Variants in APOL4 observed in about 807,000 individuals in gnomAD.
APOL4 encodes apolipoprotein L4.
In APOL4, 14 loss-of-function variants were observed where a neutral mutation model predicts 12.1. That is an observed-to-expected ratio of 1.16 (90% CI 0.76 to 1.81). The LOEUF (loss-of-function observed/expected upper bound fraction) is 1.81. APOL4 is among the 40% of genes most tolerant of loss of function. The pLI is 0.00. For synonymous variants in APOL4, 171 were observed against 160.6 expected, an observed-to-expected ratio of 1.06 and a Z score of -0.49; for missense variants, 432 against 423.1, an observed-to-expected ratio of 1.02 and a Z score of -0.18.
At chr22:36,193,965 A>G (rs2014333344) in intron 3 of APOL4, among the ~76,000 whole-genome samples, 2 of 152,360 alleles carry the variant, frequency 1.3e-5, no homozygotes, top group East Asian at 3.9e-4. Context: ...CTTCATGTGT[A>G]TACAGGTCAA....
intron 1 of APOL4, 89 bp downstream of exon 1, chr22:36,201,611 A>C (rs132730): frequency 2.1e-6 from 2 of 968,328 alleles, no homozygotes; most frequent in Non-Finnish European, 2.8e-6. Context: ...GGCCAAGGCA[A>C]CCATCTCAAC....
At chr22:36,192,435 T>C (rs2014286022) in intron 3 of APOL4, among the ~76,000 whole-genome samples, 1 of 152,222 alleles carries the variant, frequency 6.6e-6, no homozygotes, top group African/African-American at 2.4e-5. Context: ...AAAAAATAAG[T>C]TAAAGTCATC....
At chr22:36,200,609 T>TAA (rs2146948308) in intron 1 of APOL4, among the ~76,000 whole-genome samples, 1 of 152,336 alleles carries the variant, frequency 6.6e-6, no homozygotes, top group East Asian at 1.9e-4. Flanking sequence ...AAGAACACCC[T>TAA]CCTTCACGTA....
chr22:36,195,528 G>C (rs2014379445), intron 2 of APOL4, 91 bp from the exon 3 acceptor site: 7 of 1,441,582 alleles, frequency 4.9e-6, no homozygotes, highest in Admixed American at 2.0e-5. Flanking sequence ...TAATCCTCCT[G>C]AACCAGCTGT....
intron 2 of APOL4, among the ~76,000 whole-genome samples, chr22:36,196,327 A>G (rs2014412462): frequency 6.6e-6 from 1 of 152,224 alleles, no homozygotes; most frequent in South Asian, 2.1e-4. Context: ...AAATATACCT[A>G]TAGACCCTTA....
chr22:36,195,608 T>C (rs997490006), intron 2 of APOL4, among the ~76,000 whole-genome samples, 171 bp from the exon 3 acceptor site: 1 of 152,140 alleles, frequency 6.6e-6, no homozygotes, highest in African/African-American at 2.4e-5. Context: ...ATTCAAATAC[T>C]GAGGCTCTAA....
At chr22:36,197,324 C>A in intron 2 of APOL4, 1 of 251,298 alleles carries the variant, frequency 4.0e-6, no homozygotes, top group South Asian at 7.0e-5. Context: ...GGGGAGGAAG[C>A]CCTCCTGAGG....
chr22:36,189,896 C>T lies in APOL4; in HGVS notation c.*1179G>A, dbSNP rs1186409562. On this transcript the variant is annotated 3_prime_UTR_variant, in exon 4 of 4. Transcript: ENST00000683024. The stretch of plus-strand genomic sequence containing the variant: ...TAACACTGAGTTCCATAAACTTTAC[C>T]TCGCCCTCTTTATTCCCCTAAAAAA... 1 of 164,224 alleles carries T rather than the reference C, an allele frequency of 6.1e-6. No individual in the cohort carries two copies. Among genetic ancestry groups the T allele is most frequent in the East Asian group, 1.6e-4 (1 of 6,368 alleles). 10.2% of individuals were successfully genotyped at this position (164,224 alleles called of 1,614,324 possible).
chr22:36,199,405 T>C (rs1287492432), intron 1 of APOL4, 29 bp from the exon 2 acceptor site: 1 of 1,614,024 alleles, frequency 6.2e-7, no homozygotes, highest in East Asian at 2.2e-5. Context: ...AATTGTGGGA[T>C]TGAATGTGAG....
Position 36,199,167 on chromosome 22 carries a change from G to A in APOL4, c.82+163C>T, listed in dbSNP as rs1206497370. On this transcript the variant is annotated intron_variant, in intron 2 of 3. Coordinates refer to ENST00000683024, the MANE Select transcript of APOL4 (RefSeq NM_001386885.1). ...AACCCTGGGTCAGGGGACTCCACGT[G>A]GCCTCTCTTGGGGCTTGGGGCAGCC... Among the ~76,000 whole-genome samples, 3 of 152,196 alleles carry A rather than the reference G, an allele frequency of 2.0e-5. No individual in the cohort carries two copies. The East Asian group carries it at 5.8e-4, about 29-fold the overall frequency.
At position 36,201,704 on chromosome 22, in the gene APOL4, C is replaced by A; in HGVS notation, c.31G>T (p.Val11Phe). Reference sequence around the variant, plus strand: ...GAGCTGGGGCCTCGGACTCACCCGACGCTTGTGATGAGCTGCACCCAGGAT... The same window carrying A: ...GAGCTGGGGCCTCGGACTCACCCGAAGCTTGTGATGAGCTGCACCCAGGAT... MGSWVQLITSVGVQQNHPGWT... is the reference protein window; with the variant it reads MGSWVQLITSFGVQQNHPGWT... The change falls in exon 1 of 4, where the codon GTC (valine) becomes TTC (phenylalanine). Residue 11 changes from valine (V) to phenylalanine (F), a missense_variant. Transcript: ENST00000683024. The A allele has an allele frequency of 6.2e-7, 1 of 1,607,492 alleles. No homozygotes were observed. The highest frequency in any genetic ancestry group is 8.5e-7 in the Non-Finnish European group (1 of 1,177,420).
At chr22:36,197,482 T>C in intron 2 of APOL4, 1 of 1,046,400 alleles carries the variant, frequency 9.6e-7, no homozygotes, top group Non-Finnish European at 1.3e-6. Flanking sequence ...GTTTTATTGA[T>C]GGGGTGGGGA....
chr22:36,199,324 G>T lies in APOL4; in HGVS notation c.82+6C>A, dbSNP rs780908861. Reference sequence around the variant, plus strand: ...CTACCAGCAGCCAGGTCTCTGAAAGGCTTACCTTGGAACTGTCCAGCCACT... The same window carrying T: ...CTACCAGCAGCCAGGTCTCTGAAAGTCTTACCTTGGAACTGTCCAGCCACT... On this transcript the variant is annotated splice_donor_region_variant and intron_variant, in intron 2 of 3. Coordinates refer to ENST00000683024, the MANE Select transcript of APOL4 (RefSeq NM_001386885.1). 4.3e-6 allele frequency: 7 copies of T among 1,613,992 alleles called. No individual in the cohort carries two copies. The African/African-American group carries it at 9.3e-5, about 22-fold the overall frequency.
chr22:36,197,833 T>G, intron 2 of APOL4: 1 of 1,545,902 alleles, frequency 6.5e-7, no homozygotes, highest in African/African-American at 1.4e-5. Context: ...CAGAGGACCC[T>G]GACAAACAGG....
chr22:36,191,247 G>T lies in APOL4; in HGVS notation c.875C>A (p.Ala292Asp). ...CAGCACAACAAGGACACCTGAAGTG[G>T]CCTTGCCCAGGTTCCGGGCTACTTT... ...VRKVARNLGK[A>D]TSGVLVVLDV... Residue 292 changes from alanine (A) to aspartate (D), a missense_variant, in exon 4 of 4, where the codon GCC becomes GAC. Coordinates refer to ENST00000683024, the MANE Select transcript of APOL4 (RefSeq NM_001386885.1). 6.2e-7 allele frequency: 1 copy of T among 1,614,042 alleles called. No individual in the cohort carries two copies.
At chr22:36,198,096 C>A (rs924297394) in intron 2 of APOL4, among the ~76,000 whole-genome samples, 1 of 152,208 alleles carries the variant, frequency 6.6e-6, no homozygotes, top group Non-Finnish European at 1.5e-5. Context: ...CTGGGCCCGA[C>A]TGGCTCTTCT....
upstream of APOL4, among the ~76,000 whole-genome samples, chr22:36,204,434 G>A (rs972182235): frequency 6.6e-6 from 1 of 152,176 alleles, no homozygotes; most frequent in African/African-American, 2.4e-5. Context: ...TACGGTTTAA[G>A]GGCCCAGCAG....
upstream of APOL4, among the ~76,000 whole-genome samples, chr22:36,202,548 A>C (rs1603478734): frequency 6.6e-6 from 1 of 152,186 alleles, no homozygotes; most frequent in African/African-American, 2.4e-5. Context: ...TAACATGGTG[A>C]AACCCCATCT....
chr22:36,204,288 C>G (rs567657028), upstream of APOL4, among the ~76,000 whole-genome samples: 11 of 152,318 alleles, frequency 7.2e-5, no homozygotes, highest in Admixed American at 2.0e-4. Context: ...TTGATTCCTT[C>G]AAATTTCCCA....
Sources: gnomAD v4.1 joint callset for allele counts (sites outside exome capture counted in the v4.1 genomes callset) on GRCh38, gnomAD v4.1.1 for gene constraint, MANE v1.5 for transcripts, NCBI Gene and HGNC (gene_info 2026-07-23, HGNC 2026-07-21) for gene names.